The following PAX7 variants were observed in gnomAD, a reference collection of about 807,000 sequenced individuals.
The protein encoded by PAX7 is paired box protein Pax-7.
A neutral mutation model predicts 50.7 loss-of-function variants in PAX7; 18 were observed. The ratio of observed to expected loss-of-function variants is 0.36; its 90% CI spans 0.25 to 0.53. The LOEUF (loss-of-function observed/expected upper bound fraction) is 0.53. Among genes scored for constraint, PAX7 ranks in the 20% least tolerant of loss-of-function variants. The pLI, the probability that PAX7 is intolerant of heterozygous loss-of-function variation, is 0.93. For synonymous variants in PAX7, 310 were observed against 290.4 expected, an observed-to-expected ratio of 1.07 and a Z score of -0.69; for missense variants, 644 against 702.9, an observed-to-expected ratio of 0.92 and a Z score of 0.95.
At chr1:18,718,596 T>G (rs1271670697) in intron 7 of PAX7, among the ~76,000 whole-genome samples, 1 of 151,242 alleles carries the variant, frequency 6.6e-6, no homozygotes, top group Non-Finnish European at 1.5e-5. Flanking sequence ...CTAACCTCAG[T>G]GCACCTGGGG....
At chr1:18,658,960 A>G (rs995568874) in intron 4 of PAX7, among the ~76,000 whole-genome samples, 2 of 152,072 alleles carry the variant, frequency 1.3e-5, no homozygotes, top group South Asian at 2.1e-4. Context: ...ATGCACGTAT[A>G]TGTGTGTGTG....
chr1:18,635,421 G>A (rs2088135076), intron 3 of PAX7, among the ~76,000 whole-genome samples, 181 bp downstream of exon 3: 3 of 151,068 alleles, frequency 2.0e-5, no homozygotes, highest in African/African-American at 7.3e-5. Flanking sequence ...AAAACAGAAT[G>A]GAATAAGATG....
Position 18,635,260 on chromosome 1 carries a change from G to C in PAX7, c.451+20G>C, listed in dbSNP as rs183827251. The C allele has an allele frequency of 6.2e-7, 1 of 1,612,336 alleles. No individual in the cohort carries two copies. The highest frequency in any genetic ancestry group is 2.2e-5 in the East Asian group (1 of 44,828). ...CCTCAGGTGAGAAGGCAGCTGAGCC[G>C]GCAGAGCTGGCCCAGAGTGTGGCCA... On this transcript the variant is annotated intron_variant, in intron 3 of 8. Transcript: ENST00000420770.
In PAX7 at chr1:18,700,329, TG is replaced by T. The variant is rs57944903; in HGVS notation, c.787-322del. On this transcript the variant is annotated intron_variant, in intron 5 of 8. Transcript: ENST00000420770. This position sits in a 1 kb window ranked among gnomAD's most constrained non-coding sequence, Gnocchi z 4.8. ...GGAGCAGCTGCAGAGGAAAGAGCAC[TG>T]GCCTGAGAGCCACACAGGACTGGCT... 5.5e-3 allele frequency among the ~76,000 whole-genome samples: 838 copies of T among 152,230 alleles called. 6 individuals carry two copies. The highest frequency in any genetic ancestry group is 0.017 in the African/African-American group (692 of 41,534).
chr1:18,710,075 A>G (rs1423934187), intron 7 of PAX7, among the ~76,000 whole-genome samples: 1 of 152,240 alleles, frequency 6.6e-6, no homozygotes, highest in African/African-American at 2.4e-5. Context: ...TCAGCAAGAA[A>G]AGACATTCCA....
At chr1:18,658,105 C>A (rs779247042) in intron 4 of PAX7, among the ~76,000 whole-genome samples, 5 of 152,228 alleles carry the variant, frequency 3.3e-5, no homozygotes, top group Non-Finnish European at 5.9e-5. Flanking sequence ...CTCCGTCCAT[C>A]ACTTCTCCTG....
intron 4 of PAX7, among the ~76,000 whole-genome samples, chr1:18,659,283 C>T (rs568523280): frequency 2.6e-5 from 4 of 152,322 alleles, no homozygotes; most frequent in Admixed American, 2.6e-4. Flanking sequence ...AGAACAGGTG[C>T]TCAATAAATG....
Position 18,691,841 on chromosome 1 carries a change from C to T in PAX7, c.674C>T (p.Thr225Met), listed in dbSNP as rs757493004. ...CAGCGACGCAGTCGGACCACATTCA[C>T]GGCCGAGCAGCTGGAGGAGCTGGAG... is the stretch of plus-strand genomic sequence containing the variant. ...RKQRRSRTTF[T>M]AEQLEELEKA... Residue 225 changes from threonine (T) to methionine (M), a missense_variant, in exon 5 of 9, where the codon ACG (threonine) becomes ATG (methionine). Transcript: ENST00000420770. 12 of 1,613,536 alleles carry T rather than the reference C, an allele frequency of 7.4e-6. No individual in the cohort carries two copies. Among genetic ancestry groups the T allele is most frequent in the Middle Eastern group, 1.6e-4 (1 of 6,080 alleles).
chr1:18,705,928 G>A (rs776365293), intron 7 of PAX7, among the ~76,000 whole-genome samples: 1 of 152,208 alleles, frequency 6.6e-6, no homozygotes, highest in Non-Finnish European at 1.5e-5. Context: ...GTCTGACCGG[G>A]GCAGAGGGGA....
In PAX7 at chr1:18,700,552, G is replaced by A. The variant is rs1391251330; in HGVS notation, c.787-101G>A. The A allele has an allele frequency of 1.8e-6, 2 of 1,112,770 alleles. No homozygotes were observed. Among genetic ancestry groups the A allele is most frequent in the Admixed American group, 5.6e-5 (2 of 35,950 alleles). 68.9% of individuals were successfully genotyped at this position (1,112,770 alleles called of 1,614,324 possible). ...GGGGCCTGCAGGAGGATGCTGGCTG[G>A]ATCAGAGGGTGATGGCTTGGGCAAC... is the stretch of plus-strand genomic sequence containing the variant. On this transcript the variant is annotated intron_variant, in intron 5 of 8. Transcript: ENST00000420770. This position sits in a 1 kb window ranked among gnomAD's most constrained non-coding sequence, Gnocchi z 4.8.
At chr1:18,639,118 C>T (rs932956100) in intron 4 of PAX7, among the ~76,000 whole-genome samples, 1 of 152,104 alleles carries the variant, frequency 6.6e-6, no homozygotes, top group Non-Finnish European at 1.5e-5. Context: ...TTTTTCCTAT[C>T]GTCCGCTTGG....
At chr1:18,704,861 C>T (rs1171968139) in intron 7 of PAX7, among the ~76,000 whole-genome samples, 1 of 152,198 alleles carries the variant, frequency 6.6e-6, no homozygotes, top group African/African-American at 2.4e-5. Context: ...GAGTAAGTCC[C>T]TTCCCCTTTC....
At position 18,676,575 on chromosome 1, in the gene PAX7, GA is replaced by G. The variant is rs570735948; in HGVS notation, c.587-15175del. Reference sequence around the variant, plus strand: ...CTTCCCCACCCCCTTCTCCTAAGAGGAAAAGAGGGGGATTGGGGGATCCTGG... The same window carrying G: ...CTTCCCCACCCCCTTCTCCTAAGAGGAAAGAGGGGGATTGGGGGATCCTGG... On this transcript the variant is annotated intron_variant, in intron 4 of 8. Transcript: ENST00000420770. Among the ~76,000 whole-genome samples the G allele has an allele frequency of 2.0e-5, 3 of 152,222 alleles. No individual in the cohort carries two copies. The South Asian group carries it at 6.2e-4, about 32-fold the overall frequency.
At chr1:18,696,056 A>ATTTCT (rs1244013059) in intron 5 of PAX7, among the ~76,000 whole-genome samples, 14 of 142,386 alleles carry the variant, frequency 9.8e-5, no homozygotes, top group African/African-American at 1.1e-4. Flanking sequence ...TTCATGGTGC[A>ATTTCT]TTTCTTTTCT....
intron 8 of PAX7, among the ~76,000 whole-genome samples, chr1:18,736,839 A>C (rs1930729232): frequency 6.6e-6 from 1 of 152,222 alleles, no homozygotes; most frequent in Admixed American, 6.5e-5. Flanking sequence ...TCGGCATTTG[A>C]AATTCTGTTT....
intron 8 of PAX7, among the ~76,000 whole-genome samples, chr1:18,743,386 C>T (rs1047864823): frequency 1.3e-5 from 2 of 152,234 alleles, no homozygotes; most frequent in Non-Finnish European, 2.9e-5. Context: ...CTGGCCTCAT[C>T]CTCAGGCCGT....
intron 4 of PAX7, among the ~76,000 whole-genome samples, chr1:18,665,939 T>C (rs1313680064): frequency 6.6e-6 from 1 of 152,104 alleles, no homozygotes; most frequent in Non-Finnish European, 1.5e-5. Flanking sequence ...CCCAAAGTGC[T>C]GGGATTACAG....
Position 18,727,388 on chromosome 1 carries a change from A to T in PAX7, c.1156-8244A>T, listed in dbSNP as rs1384732505. On this transcript the variant is annotated intron_variant, in intron 7 of 8. Transcript: ENST00000420770. ...CTCTCTCATACACACACACACACAC[A>T]CACACACACACACACACACACAGAG... Among the ~76,000 whole-genome samples the T allele has an allele frequency of 4.6e-5, 7 of 151,286 alleles. No individual in the cohort carries two copies. The East Asian group carries it at 1.4e-3, about 29-fold the overall frequency.
intron 4 of PAX7, among the ~76,000 whole-genome samples, chr1:18,687,971 C>A (rs1423345788): frequency 6.6e-6 from 1 of 152,158 alleles, no homozygotes; most frequent in African/African-American, 2.4e-5. Context: ...AGGTGACTTG[C>A]AGGACCCAGG....
Sources: gnomAD v4.1 joint callset for allele counts (sites outside exome capture counted in the v4.1 genomes callset) on GRCh38, gnomAD v4.1.1 for gene constraint, Gnocchi (gnomAD v3.1) non-coding constraint, MANE v1.5 for transcripts, NCBI Gene and HGNC (gene_info 2026-07-23, HGNC 2026-07-21) for gene names.